Variants in MON2 observed in about 807,000 individuals in gnomAD.
MON2 encodes the protein protein MON2 homolog.
A neutral mutation model predicts 208.6 loss-of-function variants in MON2; 84 were observed. That is an observed-to-expected ratio of 0.40 (90% confidence interval 0.34 to 0.48). The LOEUF (loss-of-function observed/expected upper bound fraction) is 0.48. Among genes scored for constraint, MON2 ranks in the 20% least tolerant of loss-of-function variants. MON2 has a pLI of 0.59. For synonymous variants in MON2, 660 were observed against 694.0 expected, an observed-to-expected ratio of 0.95 and a Z score of 0.77; for missense variants, 1,611 against 2,015.4, an observed-to-expected ratio of 0.80 and a Z score of 3.84.
rs769051427 is a variant in MON2 at position 62,537,660 on chromosome 12, G to C, written c.2072G>C (p.Gly691Ala). ...TTACTTAACTTGGCGCATTGCCATG[G>C]GGCTGTTCTTGGAACATCATGGCAA... is the stretch of plus-strand genomic sequence containing the variant. ...RTLLNLAHCH[G>A]AVLGTSWQLV... The change falls in exon 16 of 35, where the codon GGG becomes GCG. Residue 691 changes from glycine to alanine, a missense_variant. Transcript: ENST00000393630. 2 of 1,613,356 alleles carry C rather than the reference G, an allele frequency of 1.2e-6. No individual in the cohort carries two copies. The highest frequency in any genetic ancestry group is 2.2e-5 in the South Asian group (2 of 91,004).
intron 2 of MON2, among the ~76,000 whole-genome samples, chr12:62,491,436 A>T (rs2132648): frequency 0.67 from 102,279 of 152,058 alleles, 34,672 homozygotes; most frequent in African/African-American, 0.77. Flanking sequence ...CTTAAAATCA[A>T]TGGCATCTTA....
chr12:62,494,335 A>G (rs1299897854), intron 3 of MON2, among the ~76,000 whole-genome samples: 1 of 152,174 alleles, frequency 6.6e-6, no homozygotes, highest in Non-Finnish European at 1.5e-5. Context: ...TTCTTTTATA[A>G]AAAGAGGAGG....
chr12:62,509,415 C>G (rs1384539259), intron 8 of MON2, among the ~76,000 whole-genome samples: 1 of 152,094 alleles, frequency 6.6e-6, no homozygotes, highest in Non-Finnish European at 1.5e-5. Flanking sequence ...ATGCCTGGCC[C>G]TATATTCTAA....
chr12:62,557,503 C>T (rs563291222), intron 25 of MON2, among the ~76,000 whole-genome samples: 4 of 152,070 alleles, frequency 2.6e-5, no homozygotes, highest in African/African-American at 4.8e-5. Context: ...ACCTGGTTGC[C>T]GATTATACTA....
In MON2 at chr12:62,526,059, C is replaced by G. The variant is rs1394487465; in HGVS notation, c.1357C>G (p.Pro453Ala). ...ATTTGAATATAGGGGAACCTGGATACCTATTCTGACAATCACAGTTCAAGG... is the reference window on the plus strand; with the variant it reads ...ATTTGAATATAGGGGAACCTGGATAGCTATTCTGACAATCACAGTTCAAGG... Reference protein sequence around the residue: ...PAFEYRGTWIPILTITVQGSA... With the variant: ...PAFEYRGTWIAILTITVQGSA... The change falls in exon 11 of 35, where the codon CCT (proline) becomes GCT (alanine). Residue 453 changes from proline to alanine, a missense_variant. Transcript: ENST00000393630. 8.7e-6 allele frequency: 14 copies of G among 1,613,774 alleles called. No individual in the cohort carries two copies. Among genetic ancestry groups the G allele is most frequent in the Non-Finnish European group, 1.2e-5 (14 of 1,179,810 alleles).
At chr12:62,534,483 C>T (rs528992338) in intron 12 of MON2, among the ~76,000 whole-genome samples, 41 of 127,542 alleles carry the variant, frequency 3.2e-4, no homozygotes, top group Non-Finnish European at 5.3e-4. Context: ...CATGCCACTG[C>T]ACTCCAGCCT....
Position 62,544,898 on chromosome 12 carries a change from G to A in MON2, c.2467G>A (p.Val823Ile). The A allele has an allele frequency of 6.9e-6, 11 of 1,605,072 alleles. No homozygotes were observed. The highest frequency in any genetic ancestry group is 9.4e-6 in the Non-Finnish European group (11 of 1,175,750). Residue 823 changes from valine to isoleucine, a missense_variant and splice_region_variant, in exon 21 of 35, where the codon GTC (valine) becomes ATC (isoleucine). Coordinates refer to ENST00000393630, the MANE Select transcript of MON2 (RefSeq NM_015026.3). ...TAAACTTAATTTTATATACCTTCAGGTCTGCCAGCATCCAAACTCTCGAAT... is the reference window on the plus strand; with the variant it reads ...TAAACTTAATTTTATATACCTTCAGATCTGCCAGCATCCAAACTCTCGAAT... ...WRPLTGHLLEVCQHPNSRMRE... is the reference protein window; with the variant it reads ...WRPLTGHLLEICQHPNSRMRE...
At chr12:62,589,116 C>T (rs1188970704) in intron 34 of MON2, among the ~76,000 whole-genome samples, 2 of 152,168 alleles carry the variant, frequency 1.3e-5, no homozygotes, top group Non-Finnish European at 2.9e-5. Flanking sequence ...GTTTGTTGGA[C>T]CAGCCATTGA....
rs2075437713 is a variant in MON2 at position 62,592,740 on chromosome 12, A to G, written c.5145A>G (p.Gly1715=). The G allele has an allele frequency of 6.3e-7, 1 of 1,593,158 alleles. No homozygotes were observed. Among genetic ancestry groups the G allele is most frequent in the East Asian group, 2.2e-5 (1 of 44,564 alleles). The change falls in exon 35 of 35, where the codon GGA becomes GGG. Residue 1715 remains glycine, a synonymous_variant. Coordinates refer to ENST00000393630, the MANE Select transcript of MON2 (RefSeq NM_015026.3). ...CACCAGCATCCAGAGTTCAAAATGG[A>G]GAATCTTGACCGGCTACAATATATT... ...MQPPASRVQN[G]ES
chr12:62,494,622 A>G (rs1180126781), intron 3 of MON2, among the ~76,000 whole-genome samples: 1 of 151,898 alleles, frequency 6.6e-6, no homozygotes, highest in African/African-American at 2.4e-5. Flanking sequence ...TATGGGTTGC[A>G]TTTTTTTTCT....
At chr12:62,572,734 G>A (rs1039627487) in intron 30 of MON2, among the ~76,000 whole-genome samples, 6 of 152,174 alleles carry the variant, frequency 3.9e-5, no homozygotes, top group Admixed American at 1.3e-4. Flanking sequence ...ACAGGCATGA[G>A]CCACTGTGCC....
intron 7 of MON2, among the ~76,000 whole-genome samples, chr12:62,502,386 G>A (rs970551916): frequency 2.7e-5 from 4 of 149,462 alleles, no homozygotes; most frequent in Non-Finnish European, 4.4e-5. Flanking sequence ...GGGTGAGAGA[G>A]CGAGACCCCA....
chr12:62,560,534 G>GTCAGCAGCAC lies in MON2; in HGVS notation c.3460_3469dup (p.Lys1157SerfsTer7). The GTCAGCAGCAC allele has an allele frequency of 6.2e-7, 1 of 1,613,590 alleles. No homozygotes were observed. On this transcript the variant is annotated frameshift_variant, in exon 26 of 35. Coordinates refer to ENST00000393630, the MANE Select transcript of MON2 (RefSeq NM_015026.3). LOFTEE classifies it high-confidence loss of function. ...GGGATGTTCTTCTTGACCATATACA[G>GTCAGCAGCAC]TCAGCAGCACTCAGCAAAAACAATG...
chr12:62,596,542 C>G lies in MON2; in HGVS notation c.*3793C>G, dbSNP rs887198369. 6.6e-6 allele frequency: 1 copy of G among 152,142 alleles called. No homozygotes were observed. Among genetic ancestry groups the G allele is most frequent in the Non-Finnish European group, 1.5e-5 (1 of 68,026 alleles). The allele number at this position is 152,142 out of a possible 1,614,324, so 9.4% of individuals were successfully genotyped here. ...TAGGTTTGGCATTTTGGCAGATAAGCTAATCTTGTATAAAGCATCACATTT... is the reference window on the plus strand; with the variant it reads ...TAGGTTTGGCATTTTGGCAGATAAGGTAATCTTGTATAAAGCATCACATTT... On this transcript the variant is annotated 3_prime_UTR_variant, in exon 35 of 35. Transcript: ENST00000393630.
intron 5 of MON2, among the ~76,000 whole-genome samples, chr12:62,499,903 T>G (rs1290527584): frequency 1.3e-5 from 2 of 152,142 alleles, no homozygotes; most frequent in African/African-American, 2.4e-5. Context: ...AAAATATTTT[T>G]ATCGACTACC....
intron 11 of MON2, among the ~76,000 whole-genome samples, chr12:62,528,699 C>G (rs917130161): frequency 2.0e-5 from 3 of 152,064 alleles, no homozygotes; most frequent in Admixed American, 6.6e-5. Flanking sequence ...TACATTTTCC[C>G]AATAGATCAC....
intron 2 of MON2, among the ~76,000 whole-genome samples, 191 bp downstream of exon 2, chr12:62,484,424 G>T (rs1292203725): frequency 4.6e-5 from 7 of 152,134 alleles, no homozygotes; most frequent in African/African-American, 1.7e-4. Context: ...AGAGACGAAT[G>T]CTACAAAAAT....
At chr12:62,477,338 G>A (rs906183112) in intron 1 of MON2, among the ~76,000 whole-genome samples, 13 of 151,860 alleles carry the variant, frequency 8.6e-5, no homozygotes, top group Non-Finnish European at 1.5e-4. Context: ...TGCTTCCTTC[G>A]TTGGTAGGCT....
At chr12:62,577,310 A>G (rs1318252857) in intron 30 of MON2, among the ~76,000 whole-genome samples, 1 of 152,074 alleles carries the variant, frequency 6.6e-6, no homozygotes, top group African/African-American at 2.4e-5. Context: ...TCTAAGTTCT[A>G]TGAGAAATGG....
Sources: gnomAD v4.1 joint callset for allele counts (sites outside exome capture counted in the v4.1 genomes callset) on GRCh38, gnomAD v4.1.1 for gene constraint, MANE v1.5 for transcripts, NCBI Gene and HGNC (gene_info 2026-07-23, HGNC 2026-07-21) for gene names.